Variants in AFG2A observed in about 807,000 individuals in gnomAD.
AFG2A encodes the protein AAA ATPase AFG2A, also known as ATPase family gene 2 protein homolog A.
At chr4:123,214,049 G>A in the AFG2A span, among the ~76,000 whole-genome samples, 1 of 152,142 alleles carries the variant, frequency 6.6e-6, no homozygotes, top group East Asian at 1.9e-4. Context: ...GAAGCTATGT[G>A]GAATAAGCTG....
the AFG2A span, among the ~76,000 whole-genome samples, chr4:122,939,001 C>T: frequency 6.7e-5 from 10 of 149,410 alleles, no homozygotes; most frequent in Admixed American, 2.7e-4. Context: ...GAGAATAATG[C>T]GAAATGTTTT....
the AFG2A span, among the ~76,000 whole-genome samples, chr4:123,268,086 A>G: frequency 6.4e-3 from 973 of 152,198 alleles, 13 homozygotes; most frequent in African/African-American, 0.022. Flanking sequence ...TCCAATTGGT[A>G]TTTCGATGCC....
the AFG2A span, among the ~76,000 whole-genome samples, chr4:123,051,640 C>T: frequency 9.7e-4 from 93 of 96,026 alleles, no homozygotes; most frequent in South Asian, 1.5e-3. Flanking sequence ...ATTTCCTCAG[C>T]TTTTTTTTTT....
At chr4:122,968,062 C>A in the AFG2A span, among the ~76,000 whole-genome samples, 1 of 151,918 alleles carries the variant, frequency 6.6e-6, no homozygotes, top group Non-Finnish European at 1.5e-5. Flanking sequence ...TTCCATGTAA[C>A]TTCCCTTTTT....
chr4:123,181,740 C>T, the AFG2A span, among the ~76,000 whole-genome samples: 1 of 152,208 alleles, frequency 6.6e-6, no homozygotes, highest in Non-Finnish European at 1.5e-5. Flanking sequence ...CTGCCCCAAA[C>T]TAATTGTGTG....
the AFG2A span, among the ~76,000 whole-genome samples, chr4:123,009,316 G>A: frequency 2.5e-3 from 384 of 152,292 alleles, 1 homozygote; most frequent in African/African-American, 8.3e-3. Flanking sequence ...CAGTGCTGGC[G>A]TGACTGACCT....
chr4:123,026,042 TTTAAAA>T, the AFG2A span, among the ~76,000 whole-genome samples: 3 of 152,246 alleles, frequency 2.0e-5, no homozygotes, highest in South Asian at 4.2e-4. Flanking sequence ...TTTTCCCAAC[TTTAAAA>T]TTAAGGATTC....
the AFG2A span, among the ~76,000 whole-genome samples, chr4:123,254,500 G>A: frequency 2.0e-5 from 3 of 152,080 alleles, no homozygotes; most frequent in Non-Finnish European, 2.9e-5. Context: ...GTCAAGTAGT[G>A]TAAATTTTTC....
chr4:123,112,606 T>G, the AFG2A span, among the ~76,000 whole-genome samples: 1 of 152,228 alleles, frequency 6.6e-6, no homozygotes, highest in African/African-American at 2.4e-5. Context: ...GGAATCATTT[T>G]GTCTGAATGG....
chr4:123,180,531 T>G, the AFG2A span, among the ~76,000 whole-genome samples: 1 of 152,308 alleles, frequency 6.6e-6, no homozygotes, highest in East Asian at 1.9e-4. Flanking sequence ...TAAGCTAAAT[T>G]CTTATTTTTG....
chr4:122,923,433 C>T, the AFG2A span: 3 of 1,268,628 alleles, frequency 2.4e-6, no homozygotes, highest in Non-Finnish European at 3.3e-6. Flanking sequence ...GAGAGCGGCA[C>T]AGAAGCGTGT....
chr4:123,193,681 A>G, the AFG2A span, among the ~76,000 whole-genome samples: 9 of 152,362 alleles, frequency 5.9e-5, no homozygotes, highest in African/African-American at 1.9e-4. Flanking sequence ...GTATTTTAAC[A>G]TCTAATATGC....
chr4:123,237,427 C>G, the AFG2A span, among the ~76,000 whole-genome samples: 1 of 151,764 alleles, frequency 6.6e-6, no homozygotes, highest in Non-Finnish European at 1.5e-5. Flanking sequence ...AATCCCAGCA[C>G]TTTGGGAGGA....
the AFG2A span, among the ~76,000 whole-genome samples, chr4:123,204,261 A>G: frequency 6.6e-6 from 1 of 152,194 alleles, no homozygotes; most frequent in African/African-American, 2.4e-5. Context: ...TGTTCTGCCT[A>G]CTGCATATGA....
At chr4:123,274,124 T>A in the AFG2A span, among the ~76,000 whole-genome samples, 1 of 152,158 alleles carries the variant, frequency 6.6e-6, no homozygotes, top group African/African-American at 2.4e-5. Context: ...TAACTCAGTG[T>A]ATTCTTAAAG....
chr4:122,970,786 G>A, the AFG2A span, among the ~76,000 whole-genome samples: 1 of 151,810 alleles, frequency 6.6e-6, no homozygotes, highest in Non-Finnish European at 1.5e-5. Flanking sequence ...ACATCTCTTA[G>A]AACGTATCCC....
chr4:123,255,985 G>A, the AFG2A span: 1 of 1,612,766 alleles, frequency 6.2e-7, no homozygotes, highest in South Asian at 1.1e-5. Flanking sequence ...TCTGAGCCCA[G>A]TTAATTCATG....
the AFG2A span, among the ~76,000 whole-genome samples, chr4:123,307,998 T>C: frequency 9.8e-4 from 149 of 152,354 alleles, no homozygotes; most frequent in Admixed American, 2.4e-3. Flanking sequence ...AACATATCCC[T>C]GTTGTTGAGC....
At chr4:123,213,274 G>A in the AFG2A span, among the ~76,000 whole-genome samples, 3 of 152,040 alleles carry the variant, frequency 2.0e-5, no homozygotes, top group Admixed American at 6.6e-5. Context: ...TATATATCCT[G>A]TATAGAATAA....
Sources: gnomAD v4.1 joint callset for allele counts (sites outside exome capture counted in the v4.1 genomes callset) on GRCh38, gnomAD v4.1.1 for gene constraint, MANE v1.5 for transcripts, NCBI Gene and HGNC (gene_info 2026-07-23, HGNC 2026-07-21) for gene names.